Variants in HGSNAT observed in about 807,000 individuals in gnomAD.
HGSNAT encodes the protein transmembrane protein 76.
Under a neutral mutation model 85.2 loss-of-function variants are expected in HGSNAT, and 59 were observed. That is an observed-to-expected ratio of 0.69 (90% CI 0.56 to 0.86). The LOEUF (loss-of-function observed/expected upper bound fraction) is 0.86. Among genes scored for constraint, HGSNAT ranks in the 40% least tolerant of loss-of-function variants. The pLI, the probability that HGSNAT is intolerant of heterozygous loss-of-function variation, is 0.00. For synonymous variants in HGSNAT, 321 were observed against 304.5 expected (o/e 1.05, Z -0.56); for missense variants, 756 against 777.1 (o/e 0.97, Z 0.32).
intron 12 of HGSNAT, among the ~76,000 whole-genome samples, chr8:43,191,852 G>A (rs1804541350): frequency 6.6e-6 from 1 of 152,130 alleles, no homozygotes; most frequent in Non-Finnish European, 1.5e-5. Context: ...GCGTGCATGA[G>A]CCAGAAGGAC....
chr8:43,172,145 A>C (rs1407000423), intron 7 of HGSNAT, among the ~76,000 whole-genome samples, 165 bp from the exon 8 acceptor site: 2 of 152,188 alleles, frequency 1.3e-5, no homozygotes, highest in Non-Finnish European at 2.9e-5. Context: ...GATGACTAGA[A>C]AATAATCGCT....
chr8:43,170,346 G>A (rs1453994630), intron 6 of HGSNAT, among the ~76,000 whole-genome samples: 1 of 152,084 alleles, frequency 6.6e-6, no homozygotes, highest in Non-Finnish European at 1.5e-5. Context: ...CGGACGTGGT[G>A]GCGCATGCCT....
At chr8:43,198,566 C>T (rs906295383) in intron 17 of HGSNAT, among the ~76,000 whole-genome samples, 3 of 152,128 alleles carry the variant, frequency 2.0e-5, no homozygotes, top group African/African-American at 4.8e-5. Flanking sequence ...GGATTACAGG[C>T]GTGAGCCACC....
At chr8:43,156,941 A>C (rs1040903045) in intron 2 of HGSNAT, among the ~76,000 whole-genome samples, 1 of 152,076 alleles carries the variant, frequency 6.6e-6, no homozygotes, top group Non-Finnish European at 1.5e-5. Flanking sequence ...GGCAGCATAC[A>C]GTTGGGTCTG....
chr8:43,150,905 A>G (rs1348683886), intron 2 of HGSNAT, among the ~76,000 whole-genome samples: 3 of 151,970 alleles, frequency 2.0e-5, no homozygotes, highest in African/African-American at 7.2e-5. Context: ...AGCTATATAT[A>G]TATACATTAG....
chr8:43,174,236 AAAT>A (rs1803734520), intron 9 of HGSNAT: 1 of 152,212 alleles, frequency 6.6e-6, no homozygotes, highest in East Asian at 1.9e-4. Context: ...AAAATAAAAA[AAAT>A]AAAGTGATTT....
chr8:43,197,296 G>A (rs758108529), intron 15 of HGSNAT: 5 of 550,226 alleles, frequency 9.1e-6, no homozygotes, highest in Non-Finnish European at 1.6e-5. Context: ...TCTGTGTGGA[G>A]AGGCGTATCA....
intron 2 of HGSNAT, among the ~76,000 whole-genome samples, chr8:43,150,785 G>T (rs1337982195): frequency 6.6e-6 from 1 of 151,942 alleles, no homozygotes; most frequent in Non-Finnish European, 1.5e-5. Context: ...AAAGAGCCAA[G>T]ATTGCGCCAC....
chr8:43,182,252 T>C lies in HGSNAT; in HGVS notation c.1120T>C (p.Cys374Arg), dbSNP rs772819582. The C allele has an allele frequency of 3.1e-6, 5 of 1,611,866 alleles. No homozygotes were observed. In the South Asian group the frequency reaches 5.5e-5, roughly 18 times the overall value. The change falls in exon 11 of 18, where the codon TGT becomes CGT. Residue 374 changes from cysteine (C) to arginine (R), a missense_variant. Physicochemically the swap from Cys to Arg is radical, Grantham distance 180 (BLOSUM62 -3). Transcript: ENST00000379644. The stretch of plus-strand genomic sequence containing the variant: ...CTTTGCTAAACCTGTGCCTGAACAT[T>C]GTGCCTCGGTGAGAAACCATGTTTT... Reference protein sequence around the residue: ...LLFAKPVPEHCASERSCLSLR... With the variant: ...LLFAKPVPEHRASERSCLSLR...
chr8:43,162,329 G>T (rs1408529381), intron 5 of HGSNAT, among the ~76,000 whole-genome samples: 1 of 152,142 alleles, frequency 6.6e-6, no homozygotes, highest in Non-Finnish European at 1.5e-5. Flanking sequence ...GTACATCTTA[G>T]AAATAGTATA....
intron 1 of HGSNAT, 68 bp from the exon 2 acceptor site, chr8:43,146,880 A>G: frequency 2.3e-6 from 2 of 858,360 alleles, no homozygotes; most frequent in South Asian, 3.2e-5. Context: ...ACACGAATGT[A>G]CTTTGTCTCT....
intron 4 of HGSNAT, 129 bp from the exon 5 acceptor site, chr8:43,161,309 G>A: frequency 1.5e-6 from 1 of 668,564 alleles, no homozygotes; most frequent in Non-Finnish European, 2.6e-6. Flanking sequence ...GGTGAGCATA[G>A]GAAATTCAGC....
At position 43,201,356 on chromosome 8, in the gene HGSNAT, T is replaced by G. The variant is rs1361177188; in HGVS notation, c.*1787T>G. The G allele has an allele frequency of 2.0e-5, 3 of 152,320 alleles. No homozygotes were observed. The highest frequency in any genetic ancestry group is 4.4e-5 in the Non-Finnish European group (3 of 68,190). 9.4% of individuals were successfully genotyped at this position (152,320 alleles called of 1,614,324 possible). A position where few individuals can be genotyped will look rare whatever the true frequency, so the allele number is the denominator to read the frequency against. On this transcript the variant is annotated 3_prime_UTR_variant, in exon 18 of 18. Transcript: ENST00000379644. The surrounding 1 kb of genome is among the most constrained non-coding windows in gnomAD (Gnocchi z 4.4). ...ACATCTTTCCAGCCTCCCCTCCCAC[T>G]CCACTCCCTGCTCTCTCCTCCACCT...
At chr8:43,177,420 C>T (rs899455905) in intron 9 of HGSNAT, among the ~76,000 whole-genome samples, 2 of 151,664 alleles carry the variant, frequency 1.3e-5, no homozygotes, top group East Asian at 1.9e-4. Flanking sequence ...TAGCCGGGCA[C>T]GGTGGCGGGC....
rs1804884469 is a variant in HGSNAT at position 43,200,558 on chromosome 8, A to G, written c.*989A>G. 1 of 152,336 alleles carries G rather than the reference A, an allele frequency of 6.6e-6. No individual in the cohort carries two copies. The highest frequency in any genetic ancestry group is 2.1e-4 in the South Asian group (1 of 4,836). 9.4% of individuals were successfully genotyped at this position (152,336 alleles called of 1,614,324 possible). On this transcript the variant is annotated 3_prime_UTR_variant, in exon 18 of 18. Transcript: ENST00000379644. Reference sequence around the variant, plus strand: ...GTAGTGAAAACTTTTAAAAACTCTCATTGGAGTAAGTCTTTTCAAGATGAT... The same window carrying G: ...GTAGTGAAAACTTTTAAAAACTCTCGTTGGAGTAAGTCTTTTCAAGATGAT...
In HGSNAT at chr8:43,140,492, C is replaced by G. The variant is rs1802475828; in HGVS notation, c.-5C>G. ...CAGGCAAGGGCGGCCGAGCGGGCGG[C>G]GGGCATGAGCGGGGCGGGCAGGGCG... On this transcript the variant is annotated 5_prime_UTR_variant, in exon 1 of 18. Transcript: ENST00000379644. 2 of 1,013,156 alleles carry G rather than the reference C, an allele frequency of 2.0e-6. No individual in the cohort carries two copies. The highest frequency in any genetic ancestry group is 1.7e-5 in the African/African-American group (1 of 57,452). 62.8% of individuals were successfully genotyped at this position (1,013,156 alleles called of 1,614,324 possible).
At chr8:43,187,185 C>A (rs1804346208) in intron 11 of HGSNAT, among the ~76,000 whole-genome samples, 1 of 152,164 alleles carries the variant, frequency 6.6e-6, no homozygotes, top group African/African-American at 2.4e-5. Flanking sequence ...GAGTTCAATT[C>A]CTGGATATCC....
chr8:43,150,758 C>T (rs185640635), intron 2 of HGSNAT, among the ~76,000 whole-genome samples: 75 of 152,024 alleles, frequency 4.9e-4, no homozygotes, highest in Admixed American at 2.2e-3. Context: ...GGCGTGAACC[C>T]GGGAGGCGGA....
At chr8:43,192,916 C>A (rs1242548229) in intron 13 of HGSNAT, among the ~76,000 whole-genome samples, 1 of 152,100 alleles carries the variant, frequency 6.6e-6, no homozygotes, top group East Asian at 1.9e-4. Flanking sequence ...GCAGTCCTTG[C>A]GGGGGAATAA....
Sources: allele counts gnomAD v4.1 joint callset (sites outside exome capture counted in the v4.1 genomes callset), GRCh38; gene constraint gnomAD v4.1.1; non-coding constraint Gnocchi (gnomAD v3.1); transcripts MANE v1.5; gene names NCBI Gene and HGNC (gene_info 2026-07-23, HGNC 2026-07-21).